The following ZNF549 variants were observed in gnomAD, a reference collection of about 807,000 sequenced individuals.
ZNF549 encodes zinc finger protein 549.
A neutral mutation model predicts 11.1 loss-of-function variants in ZNF549; 11 were observed. That is an observed-to-expected ratio of 0.99 (90% CI 0.62 to 1.64). ZNF549 has a LOEUF of 1.64. Ranked by LOEUF, ZNF549 falls within the 40% of genes most tolerant of loss-of-function variation. The pLI is 0.00. For missense variants in ZNF549, 748 were observed against 765.1 expected (o/e 0.98, Z 0.26); for synonymous variants, 266 against 269.1 (o/e 0.99, Z 0.11).
chr19:57,527,694 C>T (rs564419408), intron 1 of ZNF549, 88 bp downstream of exon 1: 511 of 1,508,988 alleles, frequency 3.4e-4, no homozygotes, highest in Non-Finnish European at 4.4e-4. Flanking sequence ...CAGGCCTCTT[C>T]TCCAGGACAG....
chr19:57,537,144 T>G, intron 3 of ZNF549, 60 bp from the exon 4 acceptor site: 2 of 1,537,126 alleles, frequency 1.3e-6, no homozygotes, highest in Non-Finnish European at 1.8e-6. Flanking sequence ...GTATTTGTAA[T>G]GGAGCTGTTC....
chr19:57,531,179 G>A, intron 2 of ZNF549, 71 bp downstream of exon 2: 2 of 1,521,072 alleles, frequency 1.3e-6, no homozygotes, highest in Non-Finnish European at 1.8e-6. Flanking sequence ...CACAGATGCA[G>A]GTAACAATAA....
rs2089939855 is a variant in ZNF549 at position 57,538,652 on chromosome 19, G to A, written c.1648G>A (p.Val550Ile). ...HQKRLLEHQK[V>I]HTGEKPCECS... ...AAAAAGACTTCTTGAGCACCAGAAA[G>A]TTCACACTGGCGAAAAGCCCTGTGA... Residue 550 changes from valine (V) to isoleucine (I), a missense_variant, in exon 4 of 4, where the codon GTT becomes ATT. Physicochemically the swap from Val to Ile is conservative, Grantham distance 29 (BLOSUM62 3). Transcript: ENST00000376233. The A allele has an allele frequency of 3.7e-6, 6 of 1,614,202 alleles. No individual in the cohort carries two copies. In the East Asian group the frequency reaches 1.3e-4, roughly 36 times the overall value.
At position 57,535,205 on chromosome 19, in the gene ZNF549, A is replaced by C. The variant is rs752718215; in HGVS notation, c.134A>C (p.Asp45Ala). 1.2e-6 allele frequency: 2 copies of C among 1,614,120 alleles called. No individual in the cohort carries two copies. The highest frequency in any genetic ancestry group is 1.7e-6 in the Non-Finnish European group (2 of 1,179,988). Reference protein sequence around the residue: ...YFSQEEWGLLDEAQRCLYHDV... With the variant: ...YFSQEEWGLLAEAQRCLYHDV... Reference sequence around the variant, plus strand: ...TCCCAGGAGGAGTGGGGCCTCCTTGATGAAGCTCAAAGGTGCCTGTATCAT... The same window carrying C: ...TCCCAGGAGGAGTGGGGCCTCCTTGCTGAAGCTCAAAGGTGCCTGTATCAT... Residue 45 changes from aspartate (D) to alanine (A), a missense_variant, in exon 3 of 4, where the codon GAT (aspartate) becomes GCT (alanine). By Grantham distance (126) the Asp-to-Ala change is moderately radical. Coordinates refer to ENST00000376233, the MANE Select transcript of ZNF549 (RefSeq NM_001199295.2).
In ZNF549 at chr19:57,538,315, A is replaced by G; in HGVS notation, c.1311A>G (p.Arg437=). The G allele has an allele frequency of 3.1e-6, 5 of 1,613,952 alleles. No individual in the cohort carries two copies. Among genetic ancestry groups the G allele is most frequent in the Non-Finnish European group, 4.2e-6 (5 of 1,179,984 alleles). The change falls in exon 4 of 4, where the codon AGA becomes AGG. Residue 437 remains arginine (R), a synonymous_variant. Coordinates refer to ENST00000376233, the MANE Select transcript of ZNF549 (RefSeq NM_001199295.2). ...AAAAAAGACTTCTTGAGCACCAGAG[A>G]ATTCATACTGGAGAAAAGCCTTATG... ...IHKKRLLEHQ[R]IHTGEKPYVC...
chr19:57,538,372 C>T lies in ZNF549; in HGVS notation c.1368C>T (p.Arg456=). The stretch of plus-strand genomic sequence containing the variant: ...TCATATGTGGGAAATCATTTATCCG[C>T]TCGTCTGACTACATGCGACACCAGA... ...VCIICGKSFI[R]SSDYMRHQRI... The change falls in exon 4 of 4, where the codon CGC becomes CGT. Residue 456 remains arginine, a synonymous_variant. Transcript: ENST00000376233. 2 of 1,613,240 alleles carry T rather than the reference C, an allele frequency of 1.2e-6. No individual in the cohort carries two copies. Among genetic ancestry groups the T allele is most frequent in the Non-Finnish European group, 1.7e-6 (2 of 1,179,838 alleles).
At chr19:57,527,804 T>TG (rs1288867788) in intron 1 of ZNF549, among the ~76,000 whole-genome samples, 198 bp downstream of exon 1, 1 of 151,922 alleles carries the variant, frequency 6.6e-6, no homozygotes, top group Non-Finnish European at 1.5e-5. Flanking sequence ...GCCTGGGAGG[T>TG]GCGCCGGGGT....
At chr19:57,532,212 ATT>A (rs2089907184) in intron 2 of ZNF549, among the ~76,000 whole-genome samples, 3 of 152,180 alleles carry the variant, frequency 2.0e-5, no homozygotes, top group African/African-American at 7.2e-5. Flanking sequence ...TAGTAAATTT[ATT>A]AAGATGTGTT....
At position 57,537,442 on chromosome 19, in the gene ZNF549, C is replaced by T; in HGVS notation, c.438C>T (p.Asn146=). The T allele has an allele frequency of 8.7e-6, 14 of 1,614,200 alleles. No individual in the cohort carries two copies. The highest frequency in any genetic ancestry group is 1.7e-5 in the Admixed American group (1 of 60,014). ...GGAAATGGTTTTCATTTGGTTCTAA[C>T]CTGCAACAGCACCAGAACCAGGACA... The part of the protein sequence containing the change: ...ASGKWFSFGS[N]LQQHQNQDSG... The change falls in exon 4 of 4, where the codon AAC becomes AAT. Residue 146 remains asparagine, a synonymous_variant. Transcript: ENST00000376233.
At chr19:57,530,957 C>A in intron 1 of ZNF549, 113 bp from the exon 2 acceptor site, 2 of 955,720 alleles carry the variant, frequency 2.1e-6, no homozygotes, top group South Asian at 1.5e-5. Flanking sequence ...CAGATGAAGG[C>A]AACCTCAGAG....
chr19:57,537,571 G>A lies in ZNF549; in HGVS notation c.567G>A (p.Lys189=). The change falls in exon 4 of 4, where the codon AAG becomes AAA. Residue 189 remains lysine (K), a synonymous_variant. Coordinates refer to ENST00000376233, the MANE Select transcript of ZNF549 (RefSeq NM_001199295.2). ...DNLFPCKDVE[K]DFPTILGLLQ... is the part of the protein sequence containing the mutation. Reference sequence around the variant, plus strand: ...TTTTCCCATGCAAAGATGTTGAGAAGGATTTTCCAACCATCCTGGGCCTTC... The same window carrying A: ...TTTTCCCATGCAAAGATGTTGAGAAAGATTTTCCAACCATCCTGGGCCTTC... The A allele has an allele frequency of 1.2e-6, 2 of 1,614,172 alleles. No homozygotes were observed. The highest frequency in any genetic ancestry group is 1.7e-6 in the Non-Finnish European group (2 of 1,180,028).
chr19:57,529,598 G>A (rs1347460495), intron 1 of ZNF549, among the ~76,000 whole-genome samples: 1 of 152,192 alleles, frequency 6.6e-6, no homozygotes, highest in East Asian at 1.9e-4. Flanking sequence ...TTACAATGGT[G>A]CACTGTTGGC....
Position 57,538,782 on chromosome 19 carries a change from C to T in ZNF549, c.1778C>T (p.Ala593Val). Residue 593 changes from alanine (A) to valine (V), a missense_variant, in exon 4 of 4, where the codon GCC becomes GTC. Physicochemically the swap from Ala to Val is moderately conservative, Grantham distance 64. Transcript: ENST00000376233. ...TATAACTGCACTGCATGTGAGAAGG[C>T]CTTTATCTATAAAAACAAACTTGTT... Reference protein sequence around the residue: ...RPYNCTACEKAFIYKNKLVEH... With the variant: ...RPYNCTACEKVFIYKNKLVEH... 1 of 1,614,146 alleles carries T rather than the reference C, an allele frequency of 6.2e-7. No individual in the cohort carries two copies. Among genetic ancestry groups the T allele is most frequent in the Non-Finnish European group, 8.5e-7 (1 of 1,180,034 alleles).
intron 1 of ZNF549, among the ~76,000 whole-genome samples, chr19:57,528,413 C>G (rs1291326194): frequency 6.6e-6 from 1 of 152,126 alleles, no homozygotes; most frequent in Non-Finnish European, 1.5e-5. Flanking sequence ...AGGGGACTGA[C>G]TCAGTGATGT....
chr19:57,539,807 A>G lies in ZNF549; in HGVS notation c.*880A>G, dbSNP rs1486906645. ...AATTGGTAGGTAGGTCACTGGTTGTAAGACCTACTGGGGCCAGGTAAGAAC... is the reference window on the plus strand; with the variant it reads ...AATTGGTAGGTAGGTCACTGGTTGTGAGACCTACTGGGGCCAGGTAAGAAC... On this transcript the variant is annotated 3_prime_UTR_variant, in exon 4 of 4. Transcript: ENST00000376233. 1 of 152,196 alleles carries G rather than the reference A, an allele frequency of 6.6e-6. No homozygotes were observed. Among genetic ancestry groups the G allele is most frequent in the Admixed American group, 6.5e-5 (1 of 15,280 alleles). The allele number at this position is 152,196 out of a possible 1,614,324, so 9.4% of individuals were successfully genotyped here. A position where few individuals can be genotyped will look rare whatever the true frequency, so the allele number is the denominator to read the frequency against.
chr19:57,535,190 A>G lies in ZNF549; in HGVS notation c.119A>G (p.Glu40Gly). 6.2e-7 allele frequency: 1 copy of G among 1,614,026 alleles called. No homozygotes were observed. Among genetic ancestry groups the G allele is most frequent in the South Asian group, 1.1e-5 (1 of 91,068 alleles). ...ATTGCTGTGTACTTCTCCCAGGAGG[A>G]GTGGGGCCTCCTTGATGAAGCTCAA... is the stretch of plus-strand genomic sequence containing the variant. The part of the protein sequence containing the change: ...EDIAVYFSQE[E>G]WGLLDEAQRC... The change falls in exon 3 of 4, where the codon GAG becomes GGG. Residue 40 changes from glutamate to glycine, a missense_variant. Coordinates refer to ENST00000376233, the MANE Select transcript of ZNF549 (RefSeq NM_001199295.2).
rs956278220 is a variant in ZNF549 at position 57,538,997 on chromosome 19, A to G, written c.*70A>G. The G allele has an allele frequency of 5.1e-5, 76 of 1,494,076 alleles. No individual in the cohort carries two copies. The African/African-American group carries it at 7.4e-4, about 15-fold the overall frequency. The allele number at this position is 1,494,076 out of a possible 1,614,324, so 92.6% of individuals were successfully genotyped here. A position where few individuals can be genotyped will look rare whatever the true frequency, so the allele number is the denominator to read the frequency against. On this transcript the variant is annotated 3_prime_UTR_variant, in exon 4 of 4. Transcript: ENST00000376233. Reference sequence around the variant, plus strand: ...GAGAGCTGATTTTTCAAGGGATCCAACAGACAGAAATTCACCCTCATACAT... The same window carrying G: ...GAGAGCTGATTTTTCAAGGGATCCAGCAGACAGAAATTCACCCTCATACAT...
Position 57,538,514 on chromosome 19 carries a change from A to C in ZNF549, c.1510A>C (p.Ser504Arg). ...IHTRERPYECSECGKGFYLEV... is the reference protein window; with the variant it reads ...IHTRERPYECRECGKGFYLEV... ...CACTAGAGAAAGGCCTTATGAATGC[A>C]GTGAATGTGGAAAAGGCTTCTACCT... The change falls in exon 4 of 4, where the codon AGT (serine) becomes CGT (arginine). Residue 504 changes from serine (S) to arginine (R), a missense_variant. Ser to Arg is a moderately radical substitution (Grantham distance 110). Coordinates refer to ENST00000376233, the MANE Select transcript of ZNF549 (RefSeq NM_001199295.2). The C allele has an allele frequency of 6.2e-7, 1 of 1,614,242 alleles. No homozygotes were observed. Among genetic ancestry groups the C allele is most frequent in the Non-Finnish European group, 8.5e-7 (1 of 1,180,040 alleles).
In ZNF549 at chr19:57,527,586, G is replaced by A. The variant is rs764107848; in HGVS notation, c.13G>A (p.Ala5Thr). The change falls in exon 1 of 4, where the codon GCG (alanine) becomes ACG (threonine). Residue 5 changes from alanine to threonine, a missense_variant. Ala to Thr is a moderately conservative substitution (Grantham distance 58, BLOSUM62 0). Coordinates refer to ENST00000376233, the MANE Select transcript of ZNF549 (RefSeq NM_001199295.2). MAEA[A>T]LVITPQIPMV... is the part of the protein sequence containing the mutation. ...CGCCTAAAGTCCCATGGCCGAGGCAGCGCTAGTGATTACGCCGCAGGTGAG... is the reference window on the plus strand; with the variant it reads ...CGCCTAAAGTCCCATGGCCGAGGCAACGCTAGTGATTACGCCGCAGGTGAG... 1 of 1,613,822 alleles carries A rather than the reference G, an allele frequency of 6.2e-7. No homozygotes were observed.
Sources: gnomAD v4.1 joint callset for allele counts (sites outside exome capture counted in the v4.1 genomes callset) on GRCh38, gnomAD v4.1.1 for gene constraint, MANE v1.5 for transcripts, NCBI Gene and HGNC (gene_info 2026-07-23, HGNC 2026-07-21) for gene names.